The following DRC3 variants were observed in gnomAD, a reference collection of about 807,000 sequenced individuals.
The protein encoded by DRC3 is leucine rich repeat containing 48.
In DRC3, 45 loss-of-function variants were observed where a neutral mutation model predicts 57.6. The observed-to-expected ratio is 0.78, with a 90% CI of 0.62 to 1.00. The LOEUF (loss-of-function observed/expected upper bound fraction) is 1.00. Among genes scored for constraint, DRC3 ranks in the 50% least tolerant of loss-of-function variants. The pLI is 0.00. For synonymous variants in DRC3, 257 were observed against 272.3 expected, an observed-to-expected ratio of 0.94 and a Z score of 0.55; for missense variants, 655 against 675.2, an observed-to-expected ratio of 0.97 and a Z score of 0.33.
chr17:17,975,033 T>C (rs2042316027), intron 2 of DRC3, among the ~76,000 whole-genome samples: 1 of 152,248 alleles, frequency 6.6e-6, no homozygotes, highest in African/African-American at 2.4e-5. Flanking sequence ...CCTGCTCTGA[T>C]GTGCTTAACA....
intron 5 of DRC3, among the ~76,000 whole-genome samples, chr17:17,992,120 C>T (rs1229654515): frequency 1.3e-5 from 2 of 151,924 alleles, no homozygotes; most frequent in Non-Finnish European, 2.9e-5. Flanking sequence ...ACTACAAACA[C>T]AAAAATTAGC....
chr17:17,980,134 C>G (rs921692337), intron 3 of DRC3, among the ~76,000 whole-genome samples: 6 of 152,222 alleles, frequency 3.9e-5, no homozygotes, highest in Non-Finnish European at 7.3e-5. Context: ...GAACTTTGTG[C>G]AGGGAGGGGA....
chr17:17,974,686 C>T (rs889979522), intron 2 of DRC3, among the ~76,000 whole-genome samples: 3 of 152,190 alleles, frequency 2.0e-5, no homozygotes, highest in African/African-American at 7.2e-5. Flanking sequence ...CACAAAGTTA[C>T]CTCCTCCTTC....
At position 18,008,536 on chromosome 17, in the gene DRC3, C is replaced by G. The variant is rs564650420; in HGVS notation, c.1326+1389C>G. Reference sequence around the variant, plus strand: ...CAGAATGAGTGTGAGAGCGTATGCTCACCAAGCCTCCACTCTGCCAGATAT... The same window carrying G: ...CAGAATGAGTGTGAGAGCGTATGCTGACCAAGCCTCCACTCTGCCAGATAT... On this transcript the variant is annotated intron_variant, in intron 12 of 13. Transcript: ENST00000399187. This position sits in a 1 kb window ranked among gnomAD's most constrained non-coding sequence, Gnocchi z 4.3. 2.0e-4 allele frequency among the ~76,000 whole-genome samples: 31 copies of G among 152,320 alleles called. No homozygotes were observed. The highest frequency in any genetic ancestry group is 6.7e-4 in the African/African-American group (28 of 41,570).
At chr17:17,998,311 G>A (rs1324593217) in intron 9 of DRC3, among the ~76,000 whole-genome samples, 5 of 152,252 alleles carry the variant, frequency 3.3e-5, no homozygotes, top group Non-Finnish European at 7.3e-5. Context: ...AAGACTCTGG[G>A]TGGTCAGGAC....
chr17:18,008,318 C>G lies in DRC3; in HGVS notation c.1326+1171C>G, dbSNP rs2044053903. On this transcript the variant is annotated intron_variant, in intron 12 of 13. Coordinates refer to ENST00000399187, the MANE Select transcript of DRC3 (RefSeq NM_031294.4). The surrounding 1 kb of genome is among the most constrained non-coding windows in gnomAD (Gnocchi z 4.3). ...AACCACTGTCTCTGTATCACATGCCCCATTTATCAGGTCAGGTCAGAGCCT... is the reference window on the plus strand; with the variant it reads ...AACCACTGTCTCTGTATCACATGCCGCATTTATCAGGTCAGGTCAGAGCCT... Among the ~76,000 whole-genome samples the G allele has an allele frequency of 6.6e-6, 1 of 152,210 alleles. No homozygotes were observed. Among genetic ancestry groups the G allele is most frequent in the South Asian group, 2.1e-4 (1 of 4,828 alleles).
chr17:17,997,769 T>C lies in DRC3; in HGVS notation c.999+135T>C, dbSNP rs1007717763. ...TGAGGCCAATGGTTATTGTCCCCAT[T>C]TGCCAGAGATCATACAGCTAATCAG... is the stretch of plus-strand genomic sequence containing the variant. On this transcript the variant is annotated intron_variant, in intron 9 of 13. Transcript: ENST00000399187. 5 of 840,582 alleles carry C rather than the reference T, an allele frequency of 5.9e-6. No individual in the cohort carries two copies. The African/African-American group carries it at 8.9e-5, about 15-fold the overall frequency. 52.1% of individuals were successfully genotyped at this position (840,582 alleles called of 1,614,324 possible).
intron 1 of DRC3, 141 bp downstream of exon 1, chr17:17,973,115 G>A (rs1373068461): frequency 2.4e-5 from 3 of 123,272 alleles, no homozygotes; most frequent in African/African-American, 3.3e-5. Flanking sequence ...TCCTCTCCCA[G>A]CCACTTTACA....
chr17:17,974,934 G>A (rs1597515010), intron 2 of DRC3, among the ~76,000 whole-genome samples: 1 of 152,232 alleles, frequency 6.6e-6, no homozygotes, highest in African/African-American at 2.4e-5. Flanking sequence ...AATGCAGAAG[G>A]GAGAAATTAT....
intron 5 of DRC3, 141 bp from the exon 6 acceptor site, chr17:17,992,624 C>G (rs2043283254): frequency 1.2e-6 from 1 of 869,092 alleles, no homozygotes; most frequent in South Asian, 1.8e-5. Flanking sequence ...CCCACGCCTG[C>G]ACACTGCCTG....
At chr17:18,016,232 A>G (rs1218029262) in intron 13 of DRC3, 37 bp downstream of exon 13, 11 of 1,602,170 alleles carry the variant, frequency 6.9e-6, no homozygotes, top group African/African-American at 1.3e-5. Flanking sequence ...AGGCTGGATG[A>G]ACTTTTCTAG....
At chr17:17,979,620 C>T (rs562314999) in intron 3 of DRC3, among the ~76,000 whole-genome samples, 20 of 152,308 alleles carry the variant, frequency 1.3e-4, no homozygotes, top group African/African-American at 4.8e-4. Context: ...GGCTTTTCCT[C>T]CTGAACTGCT....
At chr17:18,011,324 A>G in intron 12 of DRC3, 1 of 348,990 alleles carries the variant, frequency 2.9e-6, no homozygotes, top group Non-Finnish European at 5.6e-6. Flanking sequence ...AGCAGGTTCA[A>G]GGCGTTTGTT....
intron 9 of DRC3, among the ~76,000 whole-genome samples, 176 bp from the exon 10 acceptor site, chr17:18,004,187 A>T (rs1179713895): frequency 1.3e-5 from 2 of 152,140 alleles, no homozygotes; most frequent in African/African-American, 4.8e-5. Flanking sequence ...AAACTGAGGC[A>T]TGGAGAGGGT....
At chr17:17,981,334 C>G (rs773770948) in intron 3 of DRC3, 1 of 240,376 alleles carries the variant, frequency 4.2e-6, no homozygotes, top group South Asian at 7.1e-5. Context: ...GACGGGACAG[C>G]CTCTCATGAT....
chr17:17,974,482 C>T (rs1277277335), intron 2 of DRC3, among the ~76,000 whole-genome samples: 1 of 152,206 alleles, frequency 6.6e-6, no homozygotes, highest in East Asian at 1.9e-4. Context: ...AGCGATTCTC[C>T]TGCCTCAGCC....
intron 12 of DRC3, among the ~76,000 whole-genome samples, chr17:18,014,718 C>T (rs1247560816): frequency 2.6e-5 from 4 of 152,160 alleles, no homozygotes; most frequent in Admixed American, 6.5e-5. Flanking sequence ...AGGATGAGAA[C>T]CTTTTCGTGA....
Position 17,997,524 on chromosome 17 carries a change from A to G in DRC3, c.889A>G (p.Lys297Glu), listed in dbSNP as rs1400574938. 1 of 1,611,744 alleles carries G rather than the reference A, an allele frequency of 6.2e-7. No homozygotes were observed. The highest frequency in any genetic ancestry group is 8.5e-7 in the Non-Finnish European group (1 of 1,179,004). Reference protein sequence around the residue: ...IFEYGLKQQEKRKTELDTFSE... With the variant: ...IFEYGLKQQEERKTELDTFSE... ...TGAGTATGGCCTGAAACAGCAGGAG[A>G]AGCGGAAAACAGAGCTTGACACCTT... The change falls in exon 9 of 14, where the codon AAG becomes GAG. Residue 297 changes from lysine to glutamate, a missense_variant. Coordinates refer to ENST00000399187, the MANE Select transcript of DRC3 (RefSeq NM_031294.4).
At chr17:17,995,321 G>T (rs989278430) in intron 8 of DRC3, among the ~76,000 whole-genome samples, 1 of 152,256 alleles carries the variant, frequency 6.6e-6, no homozygotes, top group South Asian at 2.1e-4. Flanking sequence ...TCAGGGACAT[G>T]TGTAGTATCT....
Sources: allele counts gnomAD v4.1 joint callset (sites outside exome capture counted in the v4.1 genomes callset), GRCh38; gene constraint gnomAD v4.1.1; non-coding constraint Gnocchi (gnomAD v3.1); transcripts MANE v1.5; gene names NCBI Gene and HGNC (gene_info 2026-07-23, HGNC 2026-07-21).